The following SLC35F1 variants were observed in gnomAD, a reference collection of about 807,000 sequenced individuals.
SLC35F1 encodes the protein chromosome 6 open reading frame 169.
In SLC35F1, 14 loss-of-function variants were observed where a neutral mutation model predicts 48.7. That is an observed-to-expected ratio of 0.29 (90% CI 0.19 to 0.45). The LOEUF is 0.45. Ranked by LOEUF, SLC35F1 falls within the 20% of genes least tolerant of loss-of-function variation. The pLI, the probability that SLC35F1 is intolerant of heterozygous loss-of-function variation, is 1.00. For missense variants in SLC35F1, 404 were observed against 500.0 expected, an observed-to-expected ratio of 0.81 and a Z score of 1.83; for synonymous variants, 190 against 202.2, an observed-to-expected ratio of 0.94 and a Z score of 0.51.
intron 2 of SLC35F1, among the ~76,000 whole-genome samples, chr6:118,201,807 A>G (rs1774877065): frequency 6.6e-6 from 1 of 152,208 alleles, no homozygotes; most frequent in Non-Finnish European, 1.5e-5. Flanking sequence ...AGTCCAAGGC[A>G]ACCACTAATC....
At position 118,164,104 on chromosome 6, in the gene SLC35F1, C is replaced by T. The variant is rs992183016; in HGVS notation, c.349+9484C>T. Among the ~76,000 whole-genome samples, 16 of 152,152 alleles carry T rather than the reference C, an allele frequency of 1.1e-4. 1 individual carries two copies. Among genetic ancestry groups the T allele is most frequent in the South Asian group, 8.3e-4 (4 of 4,810 alleles). ...TCCCTTTCTAAGATTTTTGAGGACTCGAAGAAGCATCATCATGTAACTCAC... is the reference window on the plus strand; with the variant it reads ...TCCCTTTCTAAGATTTTTGAGGACTTGAAGAAGCATCATCATGTAACTCAC... On this transcript the variant is annotated intron_variant, in intron 2 of 7. Coordinates refer to ENST00000360388, the MANE Select transcript of SLC35F1 (RefSeq NM_001029858.4).
At chr6:118,121,324 C>T (rs756613970) in intron 1 of SLC35F1, among the ~76,000 whole-genome samples, 29 of 152,152 alleles carry the variant, frequency 1.9e-4, no homozygotes, top group African/African-American at 5.8e-4. Context: ...TCTGAAAACA[C>T]GTTGTAATCT....
At position 117,925,788 on chromosome 6, in the gene SLC35F1, C is replaced by G. The variant is rs112544319; in HGVS notation, c.173+17889C>G. Among the ~76,000 whole-genome samples the G allele has an allele frequency of 7.2e-3, 1,099 of 152,086 alleles. 15 individuals are homozygous for G. Among genetic ancestry groups the G allele is most frequent in the African/African-American group, 0.025 (1,039 of 41,498 alleles). ...CTGCTGAGGGTAGAAAGAATGGGCT[C>G]TATGGTAGGTGTCATCCATACTGGT... On this transcript the variant is annotated intron_variant, in intron 1 of 7. Transcript: ENST00000360388.
chr6:118,102,075 T>C (rs1773265824), intron 1 of SLC35F1, among the ~76,000 whole-genome samples: 1 of 152,234 alleles, frequency 6.6e-6, no homozygotes, highest in African/African-American at 2.4e-5. Flanking sequence ...AGTTTTATGA[T>C]GGCCATGGCA....
chr6:118,015,184 C>T (rs1204492462), intron 1 of SLC35F1, among the ~76,000 whole-genome samples: 3 of 152,140 alleles, frequency 2.0e-5, no homozygotes, highest in Non-Finnish European at 4.4e-5. Context: ...GTTCATTAAA[C>T]CTCTTTTTCC....
chr6:118,075,049 C>G (rs2114307650), intron 1 of SLC35F1, among the ~76,000 whole-genome samples: 1 of 152,288 alleles, frequency 6.6e-6, no homozygotes, highest in African/African-American at 2.4e-5. Context: ...TGCATCCCTG[C>G]TCTACGTGTG....
rs560610274 is a variant in SLC35F1 at position 118,025,808 on chromosome 6, T to A, written c.173+117909T>A. Among the ~76,000 whole-genome samples the A allele has an allele frequency of 5.9e-5, 9 of 152,330 alleles. No individual in the cohort carries two copies. The East Asian group carries it at 1.5e-3, about 26-fold the overall frequency. ...TTTTAGTTGATAGTTTTCAAACACA[T>A]ATGAATCACTTCTAAGAGACACCAG... On this transcript the variant is annotated intron_variant, in intron 1 of 7. Coordinates refer to ENST00000360388, the MANE Select transcript of SLC35F1 (RefSeq NM_001029858.4).
In SLC35F1 at chr6:118,099,796, T is replaced by C. The variant is rs141976078; in HGVS notation, c.174-54649T>C. Among the ~76,000 whole-genome samples, 693 of 152,320 alleles carry C rather than the reference T, an allele frequency of 4.5e-3. 5 individuals carry two copies. The highest frequency in any genetic ancestry group is 0.015 in the African/African-American group (636 of 41,572). ...CTCTGTGAGTGGCTGTGGTTCGCTGTAACACATGGGCAGATTGGATAGGTG... is the reference window on the plus strand; with the variant it reads ...CTCTGTGAGTGGCTGTGGTTCGCTGCAACACATGGGCAGATTGGATAGGTG... On this transcript the variant is annotated intron_variant, in intron 1 of 7. Coordinates refer to ENST00000360388, the MANE Select transcript of SLC35F1 (RefSeq NM_001029858.4).
At chr6:118,266,238 C>T (rs79429613) in intron 3 of SLC35F1, among the ~76,000 whole-genome samples, 1,569 of 152,254 alleles carry the variant, frequency 0.01, 29 homozygotes, top group African/African-American at 0.036. Context: ...CATTATCTCT[C>T]TACATAATTG....
At chr6:117,960,165 G>C (rs1460012172) in intron 1 of SLC35F1, among the ~76,000 whole-genome samples, 1 of 151,924 alleles carries the variant, frequency 6.6e-6, no homozygotes, top group East Asian at 2.0e-4. Context: ...ATAGTCTAGA[G>C]GGGTTGACAA....
At chr6:118,176,554 A>C (rs894977605) in intron 2 of SLC35F1, among the ~76,000 whole-genome samples, 1 of 151,990 alleles carries the variant, frequency 6.6e-6, no homozygotes, top group African/African-American at 2.4e-5. Flanking sequence ...GGTTATAGAG[A>C]TTTGGGAATA....
chr6:118,145,821 A>T (rs1773964465), intron 1 of SLC35F1, among the ~76,000 whole-genome samples: 1 of 152,174 alleles, frequency 6.6e-6, no homozygotes, highest in African/African-American at 2.4e-5. Flanking sequence ...ACTTTAAAAA[A>T]TTTTCATTAA....
intron 1 of SLC35F1, among the ~76,000 whole-genome samples, chr6:117,925,908 G>A (rs570691265): frequency 1.3e-5 from 2 of 152,078 alleles, no homozygotes; most frequent in African/African-American, 4.8e-5. Flanking sequence ...TGGGTGAAAG[G>A]CCCCCACTCC....
chr6:118,100,741 G>T (rs1199751987), intron 1 of SLC35F1, among the ~76,000 whole-genome samples: 2 of 152,120 alleles, frequency 1.3e-5, no homozygotes, highest in Non-Finnish European at 2.9e-5. Flanking sequence ...AGGCGTGCTG[G>T]ATTGAATCAT....
chr6:118,023,691 T>C (rs1232743870), intron 1 of SLC35F1, among the ~76,000 whole-genome samples: 2 of 152,092 alleles, frequency 1.3e-5, no homozygotes, highest in East Asian at 1.9e-4. Flanking sequence ...TCCGTGACAG[T>C]TGGGTGAGTT....
At chr6:118,051,857 G>A (rs1007557385) in intron 1 of SLC35F1, among the ~76,000 whole-genome samples, 4 of 152,116 alleles carry the variant, frequency 2.6e-5, no homozygotes, top group African/African-American at 9.7e-5. Flanking sequence ...AAGGATTTAT[G>A]GGTGAAAATT....
At chr6:118,159,220 CAAAAAAAAAAAAAA>C (rs60060945) in intron 2 of SLC35F1, among the ~76,000 whole-genome samples, 1 of 43,844 alleles carries the variant, frequency 2.3e-5, no homozygotes, top group African/African-American at 1.2e-4. Context: ...GACTCTGTCT[CAAAAAAAAAAAAAA>C]AAAAAAAAAA....
At chr6:118,304,060 A>C (rs1056457507) in intron 7 of SLC35F1, among the ~76,000 whole-genome samples, 4 of 152,156 alleles carry the variant, frequency 2.6e-5, no homozygotes, top group Non-Finnish European at 5.9e-5. Flanking sequence ...TTGGTGGACT[A>C]TTTTTCAGCC....
At chr6:118,238,267 C>T (rs1015963314) in intron 3 of SLC35F1, among the ~76,000 whole-genome samples, 10 of 152,140 alleles carry the variant, frequency 6.6e-5, no homozygotes, top group Non-Finnish European at 1.0e-4. Flanking sequence ...TTATGAATAA[C>T]GGAAAGCCCA....
Sources: gnomAD v4.1 joint callset for allele counts (sites outside exome capture counted in the v4.1 genomes callset) on GRCh38, gnomAD v4.1.1 for gene constraint, MANE v1.5 for transcripts, NCBI Gene and HGNC (gene_info 2026-07-23, HGNC 2026-07-21) for gene names.